The following ENOX2 variants were observed in gnomAD, a reference collection of about 807,000 sequenced individuals.
The protein encoded by ENOX2 is APK1 antigen.
In ENOX2, 36 loss-of-function variants were observed where a neutral mutation model predicts 45.0. The observed-to-expected ratio is 0.80, with a 90% CI of 0.61 to 1.06. The LOEUF (loss-of-function observed/expected upper bound fraction) is 1.06. Among genes scored for constraint, ENOX2 ranks in the 50% least tolerant of loss-of-function variants. The pLI is 0.00. For missense variants in ENOX2, 423 were observed against 462.5 expected, an observed-to-expected ratio of 0.91 and a Z score of 0.78; for synonymous variants, 174 against 152.3, an observed-to-expected ratio of 1.14 and a Z score of -1.05.
intron 2 of ENOX2, among the ~76,000 whole-genome samples, chrX:130,799,066 G>A (rs934358915): frequency 9.0e-6 from 1 of 111,698 alleles, no homozygotes; most frequent in Non-Finnish European, 1.9e-5. Flanking sequence ...CTGTAAGGGC[G>A]ATGCCAAAGG....
At chrX:130,691,091 T>C (rs1286411881) in intron 4 of ENOX2, among the ~76,000 whole-genome samples, 10 of 95,132 alleles carry the variant, frequency 1.1e-4, no homozygotes, top group Non-Finnish European at 1.9e-4. Context: ...CTCATATCTA[T>C]ACTCTACTCT....
At chrX:130,677,028 C>G (rs112095392) in intron 6 of ENOX2, among the ~76,000 whole-genome samples, 3 of 112,087 alleles carry the variant, frequency 2.7e-5, no homozygotes, top group African/African-American at 9.7e-5. Context: ...AACCACTACT[C>G]ACTGTTTCCT....
chrX:130,762,589 T>C (rs1243318436), intron 3 of ENOX2, among the ~76,000 whole-genome samples: 1 of 111,683 alleles, frequency 9.0e-6, no homozygotes, highest in Non-Finnish European at 1.9e-5. Context: ...CTCATAAAAA[T>C]TGCTTGAGAC....
At chrX:130,645,758 T>G in intron 10 of ENOX2, 1 of 825,701 alleles carries the variant, frequency 1.2e-6, no homozygotes, top group Non-Finnish European at 1.8e-6. Flanking sequence ...GGCGCCGGCT[T>G]CTGCGGAAGA....
chrX:130,679,517 A>G, intron 6 of ENOX2, 25 bp downstream of exon 6: 4 of 1,142,567 alleles, frequency 3.5e-6, no homozygotes, highest in Non-Finnish European at 4.8e-6. Context: ...CCTGGTGGGC[A>G]CAATCCTCAC....
chrX:130,648,958 T>C (rs1028609617), intron 10 of ENOX2, among the ~76,000 whole-genome samples: 11 of 97,233 alleles, frequency 1.1e-4, no homozygotes, highest in African/African-American at 4.3e-4. Flanking sequence ...GGCAGGAGAA[T>C]CACTTGAACC....
At chrX:130,741,333 T>C (rs2038977709) in intron 3 of ENOX2, among the ~76,000 whole-genome samples, 1 of 111,193 alleles carries the variant, frequency 9.0e-6, no homozygotes. Context: ...TCAAGGGCAG[T>C]TAGCAAACTG....
At chrX:130,865,871 A>G (rs2078486837) in intron 2 of ENOX2, among the ~76,000 whole-genome samples, 1 of 111,071 alleles carries the variant, frequency 9.0e-6, no homozygotes, top group African/African-American at 3.3e-5. Context: ...AGATCCTAAG[A>G]TTTGGCTCCT....
At chrX:130,688,055 G>C (rs1242820561) in intron 5 of ENOX2, among the ~76,000 whole-genome samples, 1 of 112,225 alleles carries the variant, frequency 8.9e-6, no homozygotes, top group Non-Finnish European at 1.9e-5. Context: ...TGCAGTGGTG[G>C]TTCCCTTGGT....
In ENOX2 at chrX:130,755,280, A is replaced by G. The variant is rs147338271; in HGVS notation, c.-39+28267T>C. ...CAGTAAATGACCTTATAAGGTTGTT[A>G]TCAGAAGTAAAGGGGATAATCCATG... On this transcript the variant is annotated intron_variant, in intron 3 of 14. Coordinates refer to ENST00000394363, the MANE Select transcript of ENOX2 (RefSeq NM_006375.4). Among the ~76,000 whole-genome samples, 121 of 112,275 alleles carry G rather than the reference A, an allele frequency of 1.1e-3. 1 individual carries two copies. In the East Asian group the frequency reaches 0.028, roughly 26 times the overall value.
intron 7 of ENOX2, among the ~76,000 whole-genome samples, chrX:130,668,804 C>G (rs772518344): frequency 8.0e-5 from 9 of 112,208 alleles, no homozygotes; most frequent in Non-Finnish European, 5.6e-5. Flanking sequence ...TAGATATAGA[C>G]TTTATGTTGA....
chrX:130,868,710 C>T (rs767603028), intron 2 of ENOX2, among the ~76,000 whole-genome samples: 12 of 111,774 alleles, frequency 1.1e-4, no homozygotes, highest in African/African-American at 3.6e-4. Flanking sequence ...TAATAATGCT[C>T]CCAAATCTAT....
chrX:130,858,807 T>C (rs2078359166), intron 2 of ENOX2, among the ~76,000 whole-genome samples: 1 of 112,163 alleles, frequency 8.9e-6, no homozygotes, highest in Admixed American at 9.4e-5. Context: ...CATAACTAGT[T>C]ATATTAGAAT....
rs753792308 is a variant in ENOX2 at position 130,641,718 on chromosome X, CAA to C, written c.1130-4310_1130-4309del. On this transcript the variant is annotated intron_variant, in intron 10 of 14. Transcript: ENST00000394363. ...GGCAACAAGAGTGAAACTCCATCTC[CAA>C]AAAAAAAAAAAAAAAAAAAAAGAGA... Among the ~76,000 whole-genome samples the C allele has an allele frequency of 9.2e-4, 32 of 34,724 alleles. No homozygotes were observed. The East Asian group carries it at 0.014, about 16-fold the overall frequency. 30.2% of individuals were successfully genotyped at this position (34,724 alleles called of 115,157 possible).
Position 130,631,476 on chromosome X carries a change from A to C in ENOX2, c.1520T>G (p.Leu507Arg), listed in dbSNP as rs139213839. ...TGCATTAGCTTCCTTACCCACTAGC[A>C]GTGCTTCACGTTCAGATTTGATAGG... Reference protein sequence around the residue: ...SSPIKSEREALLVGIISTFLH... With the variant: ...SSPIKSEREARLVGIISTFLH... Residue 507 changes from leucine to arginine, a missense_variant, in exon 13 of 15, where the codon CTG becomes CGG. Around this residue, in one of 5 missense-constraint regions of ENOX2, gnomAD observed 108 missense variants for 70.6 expected, o/e 1.53. Transcript: ENST00000394363. The C allele has an allele frequency of 2.3e-5, 26 of 1,154,792 alleles. 1 individual carries two copies. The highest frequency in any genetic ancestry group is 2.4e-4 in the Middle Eastern group (1 of 4,220).
At chrX:130,687,957 T>A (rs1163559953) in intron 5 of ENOX2, among the ~76,000 whole-genome samples, 1 of 111,880 alleles carries the variant, frequency 8.9e-6, no homozygotes, top group Non-Finnish European at 1.9e-5. Flanking sequence ...TGTCAAAGAT[T>A]CATATTTATC....
chrX:130,731,621 G>C (rs1398488768), intron 3 of ENOX2, among the ~76,000 whole-genome samples: 1 of 110,995 alleles, frequency 9.0e-6, no homozygotes, highest in Non-Finnish European at 1.9e-5. Context: ...AAATACTAAT[G>C]AACCAAATTC....
At chrX:130,680,561 G>A (rs1038214754) in intron 5 of ENOX2, among the ~76,000 whole-genome samples, 9 of 112,207 alleles carry the variant, frequency 8.0e-5, no homozygotes, top group African/African-American at 2.6e-4. Context: ...CATAAAGCCT[G>A]TTCTATCTGC....
chrX:130,772,909 C>G (rs377585121), intron 3 of ENOX2, among the ~76,000 whole-genome samples: 5 of 112,300 alleles, frequency 4.5e-5, no homozygotes, highest in Non-Finnish European at 9.4e-5. Flanking sequence ...GTGCCTAGTA[C>G]GTAAAAGACA....
Sources: gnomAD v4.1 joint callset for allele counts (sites outside exome capture counted in the v4.1 genomes callset) on GRCh38, gnomAD v4.1.1 for gene constraint, gnomAD v4.1.1 regional missense constraint, MANE v1.5 for transcripts, NCBI Gene and HGNC (gene_info 2026-07-23, HGNC 2026-07-21) for gene names.